IKZF2: variants seen among roughly 807,000 people sequenced by gnomAD.
IKZF2 encodes the protein zinc finger protein Helios.
A neutral mutation model predicts 49.2 loss-of-function variants in IKZF2; 15 were observed. The ratio of observed to expected loss-of-function variants is 0.30; its 90% CI spans 0.20 to 0.47. The LOEUF (loss-of-function observed/expected upper bound fraction) is 0.47, where lower values mean the gene tolerates loss of function less well. Ranked by LOEUF, IKZF2 falls within the 20% of genes least tolerant of loss-of-function variation. The pLI is 1.00. For synonymous variants in IKZF2, 227 were observed against 221.4 expected, an observed-to-expected ratio of 1.03 and a Z score of -0.23; for missense variants, 567 against 664.6, an observed-to-expected ratio of 0.85 and a Z score of 1.61.
In IKZF2 at chr2:213,002,412, T is replaced by A. The variant is rs1363411441; in HGVS notation, c.*4948A>T. On this transcript the variant is annotated 3_prime_UTR_variant, in exon 9 of 9. Coordinates refer to ENST00000434687, the MANE Select transcript of IKZF2 (RefSeq NM_001387220.1). ...AATAGAATATTACATAAAAACCTTATGGAAATTCCAAAGTTTAAGGTTTCT... is the reference window on the plus strand; with the variant it reads ...AATAGAATATTACATAAAAACCTTAAGGAAATTCCAAAGTTTAAGGTTTCT... 1.3e-5 allele frequency: 2 copies of A among 151,532 alleles called. No individual in the cohort carries two copies. Among genetic ancestry groups the A allele is most frequent in the Admixed American group, 1.3e-4 (2 of 15,192 alleles). 9.4% of individuals were successfully genotyped at this position (151,532 alleles called of 1,614,324 possible).
At chr2:213,065,298 T>A (rs984953522) in intron 4 of IKZF2, among the ~76,000 whole-genome samples, 1 of 152,036 alleles carries the variant, frequency 6.6e-6, no homozygotes, top group African/African-American at 2.4e-5. Flanking sequence ...TTACAGTGAT[T>A]TCATCAGAAC....
At chr2:213,083,384 CTT>C (rs753296985) in intron 4 of IKZF2, among the ~76,000 whole-genome samples, 55 of 80,150 alleles carry the variant, frequency 6.9e-4, no homozygotes, top group Non-Finnish European at 9.6e-4. Context: ...GACGGCGAAC[CTT>C]TTTTTTTTTT....
chr2:213,084,056 G>A (rs1704287561), intron 4 of IKZF2, among the ~76,000 whole-genome samples: 1 of 152,006 alleles, frequency 6.6e-6, no homozygotes, highest in Non-Finnish European at 1.5e-5. Context: ...CAGATTATTT[G>A]GAGTAAGTCA....
intron 4 of IKZF2, among the ~76,000 whole-genome samples, chr2:213,118,406 T>A (rs2059943894): frequency 6.6e-6 from 1 of 152,224 alleles, no homozygotes; most frequent in South Asian, 2.1e-4. Flanking sequence ...AGGGCTCTGT[T>A]CTAAGACTAT....
At chr2:213,116,112 T>C (rs1460090768) in intron 4 of IKZF2, among the ~76,000 whole-genome samples, 2 of 152,208 alleles carry the variant, frequency 1.3e-5, no homozygotes, top group Non-Finnish European at 2.9e-5. Context: ...AAAAATCATA[T>C]TATTACCATC....
intron 4 of IKZF2, among the ~76,000 whole-genome samples, chr2:213,084,180 G>A (rs1704300311): frequency 6.6e-6 from 1 of 152,088 alleles, no homozygotes; most frequent in Non-Finnish European, 1.5e-5. Context: ...CCTTGATTTT[G>A]CATCCCAAAC....
chr2:213,080,037 C>T (rs1270141577), intron 4 of IKZF2, among the ~76,000 whole-genome samples: 1 of 152,144 alleles, frequency 6.6e-6, no homozygotes, highest in African/African-American at 2.4e-5. Flanking sequence ...CACTTAAAAA[C>T]ACATGTACCC....
At chr2:213,060,803 C>A (rs952129868) in intron 4 of IKZF2, among the ~76,000 whole-genome samples, 1 of 151,350 alleles carries the variant, frequency 6.6e-6, no homozygotes, top group Non-Finnish European at 1.5e-5. Context: ...TTCTATTTAG[C>A]ATTTATATTT....
chr2:213,103,939 G>T (rs1450054739), intron 4 of IKZF2, among the ~76,000 whole-genome samples: 1 of 152,074 alleles, frequency 6.6e-6, no homozygotes, highest in East Asian at 1.9e-4. Context: ...TAAAAGTGAT[G>T]ATATATTACA....
chr2:213,098,795 C>A, intron 4 of IKZF2, among the ~76,000 whole-genome samples: 1 of 152,240 alleles, frequency 6.6e-6, no homozygotes, highest in East Asian at 1.9e-4. Context: ...TGCTCCAGTT[C>A]CAGCTTCCCG....
chr2:213,150,539 A>G, intron 1 of IKZF2: 1 of 204,614 alleles, frequency 4.9e-6, no homozygotes, highest in Non-Finnish European at 1.0e-5. Context: ...TCTAGTAGGA[A>G]AAGTCACTCA....
At chr2:213,062,915 CTG>C (rs1285814184) in intron 4 of IKZF2, among the ~76,000 whole-genome samples, 1 of 152,010 alleles carries the variant, frequency 6.6e-6, no homozygotes, top group Non-Finnish European at 1.5e-5. Flanking sequence ...GCCTTCAAAA[CTG>C]TGATGTAAAG....
chr2:213,032,444 G>C (rs185959559), intron 6 of IKZF2, among the ~76,000 whole-genome samples: 4 of 152,216 alleles, frequency 2.6e-5, no homozygotes, highest in Admixed American at 6.5e-5. Context: ...GCTAAAAAAT[G>C]CTAAAGAGGC....
chr2:213,089,634 TG>T (rs1229308949), intron 4 of IKZF2, among the ~76,000 whole-genome samples: 2 of 152,146 alleles, frequency 1.3e-5, no homozygotes, highest in Non-Finnish European at 2.9e-5. Flanking sequence ...TGACAGATCA[TG>T]GGCCAAAAAT....
rs536480059 is a variant in IKZF2 at position 213,107,691 on chromosome 2, T to C, written c.139+40017A>G. ...TTTCAGTGAAAATTTAGATAATTTA[T>C]CTCAGGAATTCTTGCAGGAGGAAAA... is the stretch of plus-strand genomic sequence containing the variant. On this transcript the variant is annotated intron_variant, in intron 4 of 8. Transcript: ENST00000434687. Among the ~76,000 whole-genome samples the C allele has an allele frequency of 4.6e-5, 7 of 152,286 alleles. No homozygotes were observed. The South Asian group carries it at 1.0e-3, about 23-fold the overall frequency.
At chr2:213,080,393 T>A (rs994511736) in intron 4 of IKZF2, among the ~76,000 whole-genome samples, 1 of 152,162 alleles carries the variant, frequency 6.6e-6, no homozygotes, top group African/African-American at 2.4e-5. Flanking sequence ...TACTTCTCTA[T>A]ATATCCAAAT....
intron 4 of IKZF2, among the ~76,000 whole-genome samples, chr2:213,061,348 G>A (rs868069981): frequency 2.1e-4 from 32 of 151,248 alleles, no homozygotes; most frequent in Non-Finnish European, 4.3e-4. Context: ...AGGTAAACAG[G>A]TATAGATCAT....
intron 6 of IKZF2, among the ~76,000 whole-genome samples, chr2:213,034,519 G>C (rs922904184): frequency 2.6e-5 from 4 of 152,100 alleles, no homozygotes; most frequent in Non-Finnish European, 5.9e-5. Context: ...CAGTATTTTT[G>C]CATTTCAGGA....
chr2:213,051,617 T>C (rs1319714341), intron 5 of IKZF2, among the ~76,000 whole-genome samples: 2 of 151,962 alleles, frequency 1.3e-5, no homozygotes, highest in African/African-American at 4.8e-5. Flanking sequence ...ACTTGATTAT[T>C]TGATTCTCTT....
Sources: allele counts gnomAD v4.1 joint callset (sites outside exome capture counted in the v4.1 genomes callset), GRCh38; gene constraint gnomAD v4.1.1; transcripts MANE v1.5; gene names NCBI Gene and HGNC (gene_info 2026-07-23, HGNC 2026-07-21).